CUL3: variants seen among roughly 807,000 people sequenced by gnomAD.
CUL3 encodes the protein cullin 3.
Under a neutral mutation model 89.1 loss-of-function variants are expected in CUL3, and 19 were observed. The ratio of observed to expected loss-of-function variants is 0.21; its 90% confidence interval spans 0.15 to 0.31. CUL3 has a LOEUF of 0.31. Among genes scored for constraint, CUL3 ranks in the 10% least tolerant of loss-of-function variants. The pLI is 1.00. For synonymous variants in CUL3, 351 were observed against 308.4 expected, an observed-to-expected ratio of 1.14 and a Z score of -1.45; for missense variants, 469 against 942.3, an observed-to-expected ratio of 0.50 and a Z score of 6.58.
intron 1 of CUL3, among the ~76,000 whole-genome samples, chr2:224,581,922 T>C (rs907597340): frequency 1.3e-5 from 2 of 152,244 alleles, no homozygotes; most frequent in African/African-American, 4.8e-5. Flanking sequence ...TATGTACATA[T>C]GTGGAACCAT....
intron 1 of CUL3, among the ~76,000 whole-genome samples, chr2:224,581,395 CAA>C (rs558137750): frequency 1.6e-4 from 13 of 81,806 alleles, no homozygotes; most frequent in Admixed American, 2.6e-4. Flanking sequence ...GTTTCCATCT[CAA>C]AAAAAAAAAA....
At chr2:224,562,238 GT>G (rs898727609) in intron 1 of CUL3, among the ~76,000 whole-genome samples, 78 of 147,944 alleles carry the variant, frequency 5.3e-4, no homozygotes, top group African/African-American at 1.7e-3. Flanking sequence ...TATGTAGTGC[GT>G]TTTTTTTTTC....
At chr2:224,545,383 C>T (rs1243449325) in intron 2 of CUL3, among the ~76,000 whole-genome samples, 1 of 151,982 alleles carries the variant, frequency 6.6e-6, no homozygotes, top group Non-Finnish European at 1.5e-5. Context: ...TTCTCCATTG[C>T]TGCCAGAAGA....
chr2:224,573,452 T>C (rs1435645433), intron 1 of CUL3, among the ~76,000 whole-genome samples: 1 of 152,232 alleles, frequency 6.6e-6, no homozygotes, highest in African/African-American at 2.4e-5. Context: ...TATTCAAATG[T>C]TACTGAACAA....
At chr2:224,501,782 G>T (rs1009246151) in intron 10 of CUL3, among the ~76,000 whole-genome samples, 1 of 152,018 alleles carries the variant, frequency 6.6e-6, no homozygotes, top group Non-Finnish European at 1.5e-5. Flanking sequence ...GTCACAAAGT[G>T]GACAGTCCAT....
rs1489754290 is a variant in CUL3, at chr2:224,511,490, C to A, written c.747G>T (p.Met249Ile). Reference sequence around the variant, plus strand: ...CTTCCGTTGATTTGTCAAGGCAGTGCATCACTCGTTCTATTTCTTCATTAA... The same window carrying A: ...CTTCCGTTGATTTGTCAAGGCAGTGAATCACTCGTTCTATTTCTTCATTAA... ...ARINEEIERV[M>I]HCLDKSTEEP... is the part of the protein sequence containing the mutation. The change falls in exon 6 of 16, where the codon ATG (methionine) becomes ATT (isoleucine). Residue 249 changes from methionine to isoleucine, a missense_variant. Met to Ile is a conservative substitution (Grantham distance 10). This residue lies in a region of CUL3 where 370 missense variants were observed against 733.2 expected (regional missense o/e 0.50). Transcript: ENST00000264414. 1 of 1,613,488 alleles carries A rather than the reference C, an allele frequency of 6.2e-7. No individual in the cohort carries two copies. Among genetic ancestry groups the A allele is most frequent in the African/African-American group, 1.3e-5 (1 of 75,026 alleles).
chr2:224,535,469 C>T (rs1369491570), intron 3 of CUL3, 59 bp downstream of exon 3: 26 of 888,360 alleles, frequency 2.9e-5, no homozygotes, highest in Non-Finnish European at 3.6e-5. Flanking sequence ...CGTGCCCAGC[C>T]TTCAACTTCA....
rs920247016 is a variant in CUL3 at position 224,473,141 on chromosome 2, T to C, written c.*1104A>G. On this transcript the variant is annotated 3_prime_UTR_variant, in exon 16 of 16. Coordinates refer to ENST00000264414, the MANE Select transcript of CUL3 (RefSeq NM_003590.5). ...CAAGAATCATCAGGTTTGAGAAATA[T>C]TGCTTAATCACTTTCCAAAACACAG... 49 of 203,296 alleles carry C rather than the reference T, an allele frequency of 2.4e-4. No homozygotes were observed. Among genetic ancestry groups the C allele is most frequent in the African/African-American group, 1.1e-3 (46 of 43,792 alleles). 12.6% of individuals were successfully genotyped at this position (203,296 alleles called of 1,614,324 possible). A position where few individuals can be genotyped will look rare whatever the true frequency, so the allele number is the denominator to read the frequency against.
intron 1 of CUL3, among the ~76,000 whole-genome samples, chr2:224,561,277 G>T (rs1049815856): frequency 6.6e-6 from 1 of 152,038 alleles, no homozygotes; most frequent in Non-Finnish European, 1.5e-5. Flanking sequence ...TATGACTAAT[G>T]ACCCCTTTGT....
chr2:224,585,157 G>C lies in CUL3; in HGVS notation c.-148C>G, dbSNP rs892226079. ...GGCTGGGGAGCTGGCCGGCCCCTGG[G>C]CAGCCGCGGCGGCGGCGGGGGCGGC... On this transcript the variant is annotated 5_prime_UTR_variant, in exon 1 of 16. Transcript: ENST00000264414. The C allele has an allele frequency of 2.6e-6, 1 of 378,992 alleles. No individual in the cohort carries two copies. The highest frequency in any genetic ancestry group is 3.8e-6 in the Non-Finnish European group (1 of 263,260). 23.5% of individuals were successfully genotyped at this position (378,992 alleles called of 1,614,324 possible).
At chr2:224,486,218 C>A (rs1049571970) in intron 13 of CUL3, among the ~76,000 whole-genome samples, 3 of 152,124 alleles carry the variant, frequency 2.0e-5, no homozygotes, top group African/African-American at 7.2e-5. Context: ...TCCAAAGGAT[C>A]AGAACTCCTC....
intron 13 of CUL3, among the ~76,000 whole-genome samples, chr2:224,490,724 A>G (rs1286759469): frequency 6.8e-6 from 1 of 147,966 alleles, no homozygotes. Flanking sequence ...AAAAAAAAAA[A>G]GACATTTATC....
intron 1 of CUL3, among the ~76,000 whole-genome samples, chr2:224,559,734 T>C (rs1694844226): frequency 6.6e-6 from 1 of 152,160 alleles, no homozygotes; most frequent in South Asian, 2.1e-4. Context: ...GTCTCAGTTC[T>C]CCTCTTACTT....
intron 2 of CUL3, among the ~76,000 whole-genome samples, chr2:224,547,107 A>G (rs1489686461): frequency 2.0e-5 from 3 of 152,184 alleles, no homozygotes; most frequent in South Asian, 2.1e-4. Flanking sequence ...ATGAGCAAGC[A>G]GCAACAAGGA....
At chr2:224,539,272 C>T (rs1350029142) in intron 2 of CUL3, among the ~76,000 whole-genome samples, 3 of 152,176 alleles carry the variant, frequency 2.0e-5, no homozygotes, top group African/African-American at 4.8e-5. Context: ...CATTACATAC[C>T]TTTGAGAATG....
rs1347268304 is a variant in CUL3, at chr2:224,474,013, T to G, written c.*232A>C. On this transcript the variant is annotated 3_prime_UTR_variant, in exon 16 of 16. Coordinates refer to ENST00000264414, the MANE Select transcript of CUL3 (RefSeq NM_003590.5). ...AACAAAACGCAGCACATTCACATTT[T>G]CCCGAGGAACTGTAAAGATGATCTC... 5.9e-6 allele frequency: 2 copies of G among 339,622 alleles called. No individual in the cohort carries two copies. Among genetic ancestry groups the G allele is most frequent in the Non-Finnish European group, 1.1e-5 (2 of 188,444 alleles). The allele number at this position is 339,622 out of a possible 1,614,324, so 21.0% of individuals were successfully genotyped here.
intron 5 of CUL3, among the ~76,000 whole-genome samples, chr2:224,513,266 A>C (rs1256703383): frequency 1.3e-5 from 2 of 152,152 alleles, no homozygotes; most frequent in African/African-American, 4.8e-5. Flanking sequence ...CAGCATCCCT[A>C]TGCCCCACAC....
At chr2:224,529,272 T>A (rs1302928924) in intron 3 of CUL3, among the ~76,000 whole-genome samples, 1 of 152,112 alleles carries the variant, frequency 6.6e-6, no homozygotes, top group Non-Finnish European at 1.5e-5. Context: ...TGAAACATAT[T>A]AACCAGTACC....
At chr2:224,559,214 C>T (rs1383061723) in intron 1 of CUL3, among the ~76,000 whole-genome samples, 3 of 151,996 alleles carry the variant, frequency 2.0e-5, no homozygotes, top group Non-Finnish European at 4.4e-5. Flanking sequence ...TTTTGGGAGA[C>T]TGAGGCAGAA....
Sources: allele counts gnomAD v4.1 joint callset (sites outside exome capture counted in the v4.1 genomes callset), GRCh38; gene constraint gnomAD v4.1.1; regional missense constraint gnomAD v4.1.1; transcripts MANE v1.5; gene names NCBI Gene and HGNC (gene_info 2026-07-23, HGNC 2026-07-21).